Variants in VPS13B observed in about 807,000 individuals in gnomAD.
VPS13B encodes the protein vacuolar protein sorting 13 homolog B, also known as intermembrane lipid transfer protein VPS13B.
VPS13B carries 285 observed loss-of-function variants against 426.4 expected under a neutral mutation model. That is an observed-to-expected ratio of 0.67 (90% CI 0.61 to 0.74). The LOEUF is 0.74. VPS13B is among the 30% of genes least tolerant of loss of function. The probability of loss-of-function intolerance (pLI) is 0.00; values close to 1 mark genes in which losing one functional copy is unlikely to be tolerated. For missense variants in VPS13B, 4,537 were observed against 4,782.6 expected, an observed-to-expected ratio of 0.95 and a Z score of 1.51; for synonymous variants, 1,676 against 1,676.4, an observed-to-expected ratio of 1.00 and a Z score of 0.01.
chr8:99,088,636 A>G (rs1317565675), intron 3 of VPS13B, among the ~76,000 whole-genome samples: 6 of 152,178 alleles, frequency 3.9e-5, no homozygotes, highest in Admixed American at 3.3e-4. Flanking sequence ...TCTATTGCTA[A>G]TGTTTCTGCT....
chr8:99,271,230 CTA>C (rs1818583246), intron 17 of VPS13B, among the ~76,000 whole-genome samples: 1 of 150,996 alleles, frequency 6.6e-6, no homozygotes, highest in African/African-American at 2.4e-5. Context: ...ACTACTACTA[CTA>C]CTACTACTAC....
At chr8:99,681,032 T>A (rs1454905492) in intron 35 of VPS13B, among the ~76,000 whole-genome samples, 3 of 152,150 alleles carry the variant, frequency 2.0e-5, no homozygotes, top group Admixed American at 2.0e-4. Context: ...TTTTTGCATA[T>A]TTTTTTCTAT....
At chr8:99,818,980 T>TGGGGGGGGGGGG in intron 47 of VPS13B, 92 bp downstream of exon 47, 1 of 266,916 alleles carries the variant, frequency 3.7e-6, no homozygotes, top group South Asian at 2.5e-5. Flanking sequence ...GGGGGAGGGG[T>TGGGGGGGGGGGG]GGGTAGGGAG....
chr8:99,196,639 A>T (rs753745569), intron 17 of VPS13B, among the ~76,000 whole-genome samples: 1 of 151,918 alleles, frequency 6.6e-6, no homozygotes, highest in Non-Finnish European at 1.5e-5. Context: ...GGGTTTCACC[A>T]TGTTGGTCAG....
At chr8:99,055,306 C>T (rs1843790958) in intron 3 of VPS13B, among the ~76,000 whole-genome samples, 1 of 152,138 alleles carries the variant, frequency 6.6e-6, no homozygotes, top group South Asian at 2.1e-4. Context: ...TCCCAAAGTG[C>T]TGTGATTACA....
intron 3 of VPS13B, among the ~76,000 whole-genome samples, chr8:99,072,275 G>A (rs1433655794): frequency 6.6e-6 from 1 of 152,072 alleles, no homozygotes; most frequent in African/African-American, 2.4e-5. Flanking sequence ...CACTGCCCAA[G>A]GGCTCCTTAG....
chr8:99,753,571 T>G (rs965755517), intron 39 of VPS13B, among the ~76,000 whole-genome samples: 8 of 152,210 alleles, frequency 5.3e-5, no homozygotes, highest in African/African-American at 1.7e-4. Flanking sequence ...ATTCTTTCTC[T>G]TTAAGGAAAA....
intron 30 of VPS13B, among the ~76,000 whole-genome samples, chr8:99,544,981 G>C (rs1464396772): frequency 6.6e-6 from 1 of 152,124 alleles, no homozygotes; most frequent in Non-Finnish European, 1.5e-5. Flanking sequence ...CAGCTAGTTT[G>C]TGCTCTGAAC....
intron 19 of VPS13B, among the ~76,000 whole-genome samples, chr8:99,375,732 A>G (rs1269073681): frequency 2.0e-5 from 3 of 152,210 alleles, no homozygotes; most frequent in Non-Finnish European, 4.4e-5. Flanking sequence ...TTCTTAAAAA[A>G]TTAGAGTAGC....
In VPS13B at chr8:99,049,182, C is replaced by T. The variant is rs936086455; in HGVS notation, c.291+10616C>T. On this transcript the variant is annotated intron_variant, in intron 3 of 61. Coordinates refer to ENST00000357162, the MANE Select transcript of VPS13B (RefSeq NM_152564.5). Reference sequence around the variant, plus strand: ...ACATTAGTATTGAGATGTGAGATACCATTCCATTTATAGTGCTATTTGTTG... The same window carrying T: ...ACATTAGTATTGAGATGTGAGATACTATTCCATTTATAGTGCTATTTGTTG... Among the ~76,000 whole-genome samples, 3 of 151,806 alleles carry T rather than the reference C, an allele frequency of 2.0e-5. 1 individual carries two copies. The highest frequency in any genetic ancestry group is 2.0e-4 in the Admixed American group (3 of 15,242).
At chr8:99,618,750 C>T (rs556729702) in intron 33 of VPS13B, among the ~76,000 whole-genome samples, 16 of 152,302 alleles carry the variant, frequency 1.1e-4, no homozygotes, top group African/African-American at 3.6e-4. Flanking sequence ...CCTTTGACCT[C>T]GTTCTCTTTT....
chr8:99,067,459 C>A (rs1391819984), intron 3 of VPS13B, among the ~76,000 whole-genome samples: 3 of 152,230 alleles, frequency 2.0e-5, no homozygotes, highest in Middle Eastern at 3.4e-3. Context: ...CACTTGGACA[C>A]AGGGCGGGGA....
At chr8:99,794,230 A>G (rs1812695573) in intron 43 of VPS13B, among the ~76,000 whole-genome samples, 1 of 152,242 alleles carries the variant, frequency 6.6e-6, no homozygotes, top group African/African-American at 2.4e-5. Flanking sequence ...GGAGCTCAAA[A>G]GAATAGTCTG....
chr8:99,192,767 C>T (rs769448577), intron 16 of VPS13B, 109 bp from the exon 17 acceptor site: 12 of 1,135,844 alleles, frequency 1.1e-5, no homozygotes, highest in Non-Finnish European at 1.5e-5. Flanking sequence ...TGTTTGCATA[C>T]ATACTTTGGA....
chr8:99,231,054 T>C (rs1389250907), intron 17 of VPS13B, among the ~76,000 whole-genome samples: 1 of 152,262 alleles, frequency 6.6e-6, no homozygotes, highest in Non-Finnish European at 1.5e-5. Flanking sequence ...CAGGTAAGCA[T>C]TCTAAATGTA....
At chr8:99,260,157 AAAG>A (rs1296777045) in intron 17 of VPS13B, among the ~76,000 whole-genome samples, 2 of 152,120 alleles carry the variant, frequency 1.3e-5, no homozygotes, top group African/African-American at 2.4e-5. Context: ...AGGTGGTTAT[AAAG>A]AAGTTTCCCA....
chr8:99,053,381 A>T (rs1473788802), intron 3 of VPS13B, among the ~76,000 whole-genome samples: 1 of 152,034 alleles, frequency 6.6e-6, no homozygotes, highest in Non-Finnish European at 1.5e-5. Flanking sequence ...ATGAGTGAGA[A>T]CATGCGGTTT....
chr8:99,497,210 T>TATATAAATACATGTATTTATATATTTA (rs1820962912), intron 25 of VPS13B, among the ~76,000 whole-genome samples: 4 of 137,034 alleles, frequency 2.9e-5, no homozygotes, highest in African/African-American at 8.3e-5. Context: ...ATATATTTAA[T>TATATAAATACATGTATTTATATATTTA]ATATATAAAT....
At chr8:99,414,271 G>A (rs1231497454) in intron 21 of VPS13B, among the ~76,000 whole-genome samples, 2 of 148,238 alleles carry the variant, frequency 1.3e-5, no homozygotes, top group East Asian at 4.0e-4. Context: ...CATTTGCTTG[G>A]TAGATCTTCC....
Sources: allele counts gnomAD v4.1 joint callset (sites outside exome capture counted in the v4.1 genomes callset), GRCh38; gene constraint gnomAD v4.1.1; transcripts MANE v1.5; gene names NCBI Gene and HGNC (gene_info 2026-07-23, HGNC 2026-07-21).